CNTN5: variants seen among roughly 807,000 people sequenced by gnomAD.
CNTN5 encodes the protein contactin 5, also known as contactin-5.
CNTN5 carries 77 observed loss-of-function variants against 129.1 expected under a neutral mutation model. The observed-to-expected ratio is 0.60, with a 90% CI of 0.50 to 0.72. The LOEUF is 0.72. Among genes scored for constraint, CNTN5 ranks in the 30% least tolerant of loss-of-function variants. CNTN5 has a pLI of 0.00. For synonymous variants in CNTN5, 509 were observed against 465.6 expected (o/e 1.09, Z -1.20); for missense variants, 1,478 against 1,328.8 (o/e 1.11, Z -1.75).
At chr11:100,234,792 T>TAAAAAAA (rs781363668) in intron 16 of CNTN5, among the ~76,000 whole-genome samples, 143 of 101,810 alleles carry the variant, frequency 1.4e-3, no homozygotes, top group East Asian at 3.8e-3. Context: ...TCCCAGAATT[T>TAAAAAAA]AAAAAAAAAA....
intron 6 of CNTN5, among the ~76,000 whole-genome samples, chr11:99,888,459 G>A (rs75443176): frequency 0.053 from 8,032 of 152,316 alleles, 292 homozygotes; most frequent in Middle Eastern, 0.11. Context: ...AGACTCAGAT[G>A]TTAAACTGTG....
chr11:99,269,116 C>G (rs944475747), intron 1 of CNTN5, among the ~76,000 whole-genome samples: 4 of 151,900 alleles, frequency 2.6e-5, no homozygotes, highest in Non-Finnish European at 5.9e-5. Context: ...TGTCGAAGTG[C>G]CAAAGCACCA....
intron 9 of CNTN5, among the ~76,000 whole-genome samples, chr11:100,030,501 T>A (rs1941652845): frequency 6.6e-6 from 1 of 152,202 alleles, no homozygotes; most frequent in Non-Finnish European, 1.5e-5. Flanking sequence ...CCTGACCCCG[T>A]TAAGCTGTGC....
chr11:99,829,019 T>A (rs962244736), intron 4 of CNTN5, among the ~76,000 whole-genome samples: 3 of 152,146 alleles, frequency 2.0e-5, no homozygotes, highest in Non-Finnish European at 4.4e-5. Flanking sequence ...CAAAAGCTAT[T>A]CCATTTAGAG....
intron 20 of CNTN5, among the ~76,000 whole-genome samples, chr11:100,303,610 G>A (rs584946): frequency 0.51 from 77,698 of 151,330 alleles, 22,543 homozygotes; most frequent in Non-Finnish European, 0.68. Context: ...CTTGGCTTTT[G>A]CCTTATCTGT....
intron 3 of CNTN5, among the ~76,000 whole-genome samples, chr11:99,596,329 TA>T (rs1463617141): frequency 2.0e-5 from 3 of 152,172 alleles, no homozygotes; most frequent in African/African-American, 7.2e-5. Context: ...ACTAATAGCA[TA>T]GTAAGAGCAA....
intron 8 of CNTN5, among the ~76,000 whole-genome samples, chr11:99,975,717 A>G (rs1187582810): frequency 1.3e-5 from 2 of 152,024 alleles, no homozygotes; most frequent in Admixed American, 6.6e-5. Context: ...CCCTGATCCA[A>G]TCACCTCCCA....
At chr11:100,181,188 A>G (rs1051566896) in intron 13 of CNTN5, among the ~76,000 whole-genome samples, 16 of 152,052 alleles carry the variant, frequency 1.1e-4, no homozygotes, top group African/African-American at 3.6e-4. Flanking sequence ...TAAGCAAACT[A>G]TGGTACATCC....
intron 2 of CNTN5, among the ~76,000 whole-genome samples, chr11:99,370,585 T>C (rs1349064211): frequency 6.6e-6 from 1 of 152,200 alleles, no homozygotes; most frequent in Admixed American, 6.6e-5. Flanking sequence ...AAGTTCTTTG[T>C]CTTTGTTTAA....
chr11:99,668,634 A>G (rs772178391), intron 3 of CNTN5, among the ~76,000 whole-genome samples: 13 of 152,296 alleles, frequency 8.5e-5, no homozygotes, highest in Non-Finnish European at 1.6e-4. Flanking sequence ...CGGTTTTCAT[A>G]TAACCATTAT....
chr11:100,156,986 GTCTCCT>G (rs1947266545), intron 13 of CNTN5, among the ~76,000 whole-genome samples: 1 of 151,740 alleles, frequency 6.6e-6, no homozygotes, highest in Non-Finnish European at 1.5e-5. Context: ...GTGTGTCTCT[GTCTCCT>G]TCAGTTCTGC....
chr11:99,664,781 A>C (rs1025160926), intron 3 of CNTN5, among the ~76,000 whole-genome samples: 11 of 152,164 alleles, frequency 7.2e-5, no homozygotes, highest in African/African-American at 2.2e-4. Flanking sequence ...ATATAATTTG[A>C]AGAAATATTT....
chr11:99,448,533 T>TA (rs1944162881), intron 2 of CNTN5, among the ~76,000 whole-genome samples: 1 of 151,930 alleles, frequency 6.6e-6, no homozygotes. Context: ...TAGTTAAAGA[T>TA]AATTATGTTG....
chr11:100,105,222 C>G (rs1945381251), intron 13 of CNTN5, among the ~76,000 whole-genome samples: 1 of 152,134 alleles, frequency 6.6e-6, no homozygotes, highest in Non-Finnish European at 1.5e-5. Context: ...CATTGGAACA[C>G]AGGGTTTATT....
At chr11:99,402,843 A>G (rs570232949) in intron 2 of CNTN5, among the ~76,000 whole-genome samples, 3 of 152,136 alleles carry the variant, frequency 2.0e-5, no homozygotes, top group African/African-American at 7.2e-5. Flanking sequence ...TAGATTTTTC[A>G]ATTTATTGGC....
intron 13 of CNTN5, among the ~76,000 whole-genome samples, chr11:100,075,551 G>A (rs146666167): frequency 3.0e-4 from 45 of 152,252 alleles, no homozygotes; most frequent in South Asian, 1.2e-3. Context: ...ATAGAGAGCC[G>A]TGTAGAAATA....
Position 99,037,576 on chromosome 11 carries a change from C to CTTTT in CNTN5, c.-210+16325_-210+16328dup, listed in dbSNP as rs1161467398. Among the ~76,000 whole-genome samples the CTTTT allele has an allele frequency of 2.0e-3, 214 of 105,640 alleles. 2 individuals carry two copies. The highest frequency in any genetic ancestry group is 7.0e-3 in the African/African-American group (199 of 28,340). The allele number at this position is 105,640 out of a possible 152,430, so 69.3% of individuals were successfully genotyped here. A position where few individuals can be genotyped will look rare whatever the true frequency, so the allele number is the denominator to read the frequency against. ...CATATTTTTCCTTCTTTTTTCTTTT[C>CTTTT]TTTTTTTTTTTTTTTTTTTTTTAAC... is the stretch of plus-strand genomic sequence containing the variant. On this transcript the variant is annotated intron_variant, in intron 1 of 24. Coordinates refer to ENST00000524871, the MANE Select transcript of CNTN5 (RefSeq NM_014361.4).
chr11:99,729,698 A>G (rs1184487568), intron 3 of CNTN5, among the ~76,000 whole-genome samples: 4 of 152,124 alleles, frequency 2.6e-5, no homozygotes, highest in Non-Finnish European at 5.9e-5. Context: ...GTACATACAC[A>G]CCATGGAATA....
chr11:100,197,521 C>T (rs754099821), intron 15 of CNTN5, among the ~76,000 whole-genome samples: 3 of 151,874 alleles, frequency 2.0e-5, no homozygotes, highest in Non-Finnish European at 4.4e-5. Context: ...ACTATGGTGT[C>T]CTGACTTGAG....
Sources: gnomAD v4.1 joint callset for allele counts (sites outside exome capture counted in the v4.1 genomes callset) on GRCh38, gnomAD v4.1.1 for gene constraint, MANE v1.5 for transcripts, NCBI Gene and HGNC (gene_info 2026-07-23, HGNC 2026-07-21) for gene names.